SEC31A: variants seen among roughly 807,000 people sequenced by gnomAD.
SEC31A encodes SEC31 homolog A, COPII component.
A neutral mutation model predicts 151.0 loss-of-function variants in SEC31A; 70 were observed. That is an observed-to-expected ratio of 0.46 (90% CI 0.38 to 0.57). SEC31A has a LOEUF of 0.57. Ranked by LOEUF, SEC31A falls within the 20% of genes least tolerant of loss-of-function variation. The pLI, the probability that SEC31A is intolerant of heterozygous loss-of-function variation, is 0.00. For missense variants in SEC31A, 1,330 were observed against 1,471.2 expected (o/e 0.90, Z 1.57); for synonymous variants, 475 against 505.9 (o/e 0.94, Z 0.82).
chr4:82,836,520 A>G (rs1727345426), intron 22 of SEC31A, among the ~76,000 whole-genome samples: 1 of 152,190 alleles, frequency 6.6e-6, no homozygotes, highest in Admixed American at 6.5e-5. Context: ...ATATACATAC[A>G]ATGGAGTATT....
intron 17 of SEC31A, among the ~76,000 whole-genome samples, chr4:82,854,084 C>A (rs1732044518): frequency 6.6e-6 from 1 of 152,126 alleles, no homozygotes; most frequent in Non-Finnish European, 1.5e-5. Flanking sequence ...GCAGTTATGG[C>A]TGGGCATGGT....
intron 19 of SEC31A, 135 bp from the exon 20 acceptor site, chr4:82,849,112 T>C (rs1730860440): frequency 1.1e-5 from 8 of 752,132 alleles, no homozygotes; most frequent in South Asian, 1.9e-5. Context: ...CAATAGACCC[T>C]GACACACAGA....
In SEC31A at chr4:82,820,547, C is replaced by G. The variant is rs193020258; in HGVS notation, c.3483+490G>C. On this transcript the variant is annotated intron_variant, in intron 26 of 26. Transcript: ENST00000395310. ...ACAAACGTAGTGAACTGACTTCTTA[C>G]TCCTGGCTATCTTCATAGTTACAGC... Among the ~76,000 whole-genome samples the G allele has an allele frequency of 1.7e-3, 263 of 152,320 alleles. 4 individuals carry two copies. Among genetic ancestry groups the G allele is most frequent in the Non-Finnish European group, 1.6e-4 (11 of 68,024 alleles).
intron 8 of SEC31A, among the ~76,000 whole-genome samples, chr4:82,869,566 T>G (rs1019988954): frequency 1.3e-5 from 2 of 152,164 alleles, no homozygotes; most frequent in African/African-American, 4.8e-5. Flanking sequence ...AATAGTAAGT[T>G]CCATGAATTT....
chr4:82,864,533 C>T lies in SEC31A; in HGVS notation c.1263G>A (p.Gln421=). Residue 421 remains glutamine (Q), a synonymous_variant, in exon 11 of 27, where the codon CAG becomes CAA. Transcript: ENST00000395310. ...RMPSHQGAEQ[Q]QQQHHVFISQ... Reference sequence around the variant, plus strand: ...TAATGAACACATGGTGCTGCTGCTGCTGCTGCTCAGCTCCCTGATGAGAAG... The same window carrying T: ...TAATGAACACATGGTGCTGCTGCTGTTGCTGCTCAGCTCCCTGATGAGAAG... The T allele has an allele frequency of 2.5e-6, 4 of 1,614,118 alleles. No individual in the cohort carries two copies. The highest frequency in any genetic ancestry group is 3.4e-6 in the Non-Finnish European group (4 of 1,180,022).
rs370144818 is a variant in SEC31A at position 82,864,525 on chromosome 4, T to C, written c.1271A>G (p.Gln424Arg). 4.6e-5 allele frequency: 75 copies of C among 1,613,928 alleles called. No homozygotes were observed. The highest frequency in any genetic ancestry group is 5.8e-5 in the Non-Finnish European group (68 of 1,179,984). The change falls in exon 11 of 27, where the codon CAG (glutamine) becomes CGG (arginine). Residue 424 changes from glutamine (Q) to arginine (R), a missense_variant. By Grantham distance (43) the Gln-to-Arg change is conservative. Coordinates refer to ENST00000395310, the MANE Select transcript of SEC31A (RefSeq NM_001077207.4). ...AACCTGACTAATGAACACATGGTGCTGCTGCTGCTGCTGCTCAGCTCCCTG... is the reference window on the plus strand; with the variant it reads ...AACCTGACTAATGAACACATGGTGCCGCTGCTGCTGCTGCTCAGCTCCCTG... ...SHQGAEQQQQ[Q>R]HHVFISQVVT...
At chr4:82,847,141 G>A (rs1730409806) in intron 20 of SEC31A, among the ~76,000 whole-genome samples, 1 of 152,222 alleles carries the variant, frequency 6.6e-6, no homozygotes, top group South Asian at 2.1e-4. Flanking sequence ...GTTAAGTTCT[G>A]GGGAGTGAAG....
At chr4:82,862,732 T>C (rs961020868) in intron 12 of SEC31A, among the ~76,000 whole-genome samples, 160 bp from the exon 13 acceptor site, 1 of 152,276 alleles carries the variant, frequency 6.6e-6, no homozygotes, top group Admixed American at 6.5e-5. Flanking sequence ...TGGTTCTCCA[T>C]GGTGCTAGCT....
intron 22 of SEC31A, among the ~76,000 whole-genome samples, chr4:82,833,251 T>C (rs1419213796): frequency 6.6e-6 from 1 of 152,182 alleles, no homozygotes; most frequent in African/African-American, 2.4e-5. Context: ...TCATGTACTT[T>C]GCAGGGACAT....
rs181076102 is a variant in SEC31A at position 82,842,846 on chromosome 4, T to G, written c.2627-365A>C. 307 of 180,924 alleles carry G rather than the reference T, an allele frequency of 1.7e-3. 4 individuals are homozygous for G. The highest frequency in any genetic ancestry group is 0.016 in the Middle Eastern group (6 of 374). The allele number at this position is 180,924 out of a possible 1,614,324, so 11.2% of individuals were successfully genotyped here. On this transcript the variant is annotated intron_variant, in intron 21 of 26. Transcript: ENST00000395310. ...AATTACACATTCAAAGCACCCCACT[T>G]CACAGAAAAAGTTACATGGAGTTTG...
At position 82,878,736 on chromosome 4, in the gene SEC31A, A is replaced by T. The variant is rs1399618716; in HGVS notation, c.396T>A (p.Ile132=). The part of the protein sequence containing the change: ...TGPVRALDVN[I]FQTNLVASGA... ...GAAATGTTAAAGTCTTAACCTGGAA[A>T]ATGTTCACATCCAAGGCTCTCACTG... is the stretch of plus-strand genomic sequence containing the variant. Residue 132 remains isoleucine (I), a synonymous_variant, in exon 4 of 27, where the codon ATT becomes ATA. Transcript: ENST00000395310. 4 of 1,613,438 alleles carry T rather than the reference A, an allele frequency of 2.5e-6. No homozygotes were observed. In the East Asian group the frequency reaches 8.9e-5, roughly 36 times the overall value.
intron 20 of SEC31A, among the ~76,000 whole-genome samples, chr4:82,847,856 G>A (rs907250954): frequency 2.6e-5 from 4 of 152,184 alleles, no homozygotes; most frequent in African/African-American, 9.7e-5. Context: ...AGTCAAAATA[G>A]AGAGTATTCT....
chr4:82,852,632 G>A lies in SEC31A; in HGVS notation c.2154+938C>T, dbSNP rs553654161. On this transcript the variant is annotated intron_variant, in intron 18 of 26. Transcript: ENST00000395310. Reference sequence around the variant, plus strand: ...TGATCTTTAAAGCACTGACTCTGTTGAGAAAATCTCTTTCCAGAAAGAGAA... The same window carrying A: ...TGATCTTTAAAGCACTGACTCTGTTAAGAAAATCTCTTTCCAGAAAGAGAA... Among the ~76,000 whole-genome samples the A allele has an allele frequency of 2.6e-5, 4 of 152,274 alleles. No homozygotes were observed. In the East Asian group the frequency reaches 7.7e-4, roughly 29 times the overall value.
Position 82,824,637 on chromosome 4 carries a change from T to G in SEC31A, c.3329A>C (p.Lys1110Thr). Reference protein sequence around the residue: ...QSLPTKKITKKPIPDEHLILK... With the variant: ...QSLPTKKITKTPIPDEHLILK... ...AATGAGGTGCTCATCTGGAATAGGT[T>G]TCTTGGTAATTTTTTTTGTTGGCAA... The change falls in exon 25 of 27, where the codon AAA becomes ACA. Residue 1110 changes from lysine (K) to threonine (T), a missense_variant. Lys to Thr is a moderately conservative substitution (Grantham distance 78, BLOSUM62 -1). Coordinates refer to ENST00000395310, the MANE Select transcript of SEC31A (RefSeq NM_001077207.4). 1 of 1,614,054 alleles carries G rather than the reference T, an allele frequency of 6.2e-7. No homozygotes were observed. Among genetic ancestry groups the G allele is most frequent in the Non-Finnish European group, 8.5e-7 (1 of 1,179,974 alleles).
intron 24 of SEC31A, 148 bp downstream of exon 24, chr4:82,827,221 T>C (rs1724807589): frequency 1.2e-6 from 1 of 848,520 alleles, no homozygotes; most frequent in African/African-American, 1.7e-5. Context: ...TATACATACA[T>C]GATCGATCTT....
intron 18 of SEC31A, among the ~76,000 whole-genome samples, chr4:82,852,693 T>C (rs1408606742): frequency 6.6e-6 from 1 of 152,204 alleles, no homozygotes; most frequent in East Asian, 1.9e-4. Context: ...GCCTCTTTGA[T>C]TTAAATGCTT....
intron 4 of SEC31A, among the ~76,000 whole-genome samples, chr4:82,878,258 G>A (rs186164232): frequency 6.6e-6 from 1 of 152,138 alleles, no homozygotes; most frequent in Non-Finnish European, 1.5e-5. Flanking sequence ...CACTTTGGGA[G>A]GCCGAGGCGG....
At chr4:82,865,564 A>G (rs1482766585) in intron 10 of SEC31A, among the ~76,000 whole-genome samples, 22 of 10,188 alleles carry the variant, frequency 2.2e-3, no homozygotes, top group South Asian at 9.4e-3. Context: ...ATATATATAT[A>G]TATATATATA....
At chr4:82,886,679 C>T (rs1031064333) in intron 1 of SEC31A, among the ~76,000 whole-genome samples, 2 of 152,180 alleles carry the variant, frequency 1.3e-5, no homozygotes, top group Non-Finnish European at 1.5e-5. Context: ...GTTCCAGCTC[C>T]TCCATGAAAA....
Sources: allele counts gnomAD v4.1 joint callset (sites outside exome capture counted in the v4.1 genomes callset), GRCh38; gene constraint gnomAD v4.1.1; transcripts MANE v1.5; gene names NCBI Gene and HGNC (gene_info 2026-07-23, HGNC 2026-07-21).